Variants in ANKFN1 observed in about 807,000 individuals in gnomAD.
The protein encoded by ANKFN1 is ankyrin repeat and fibronectin type-III domain-containing protein 1.
ANKFN1 carries 74 observed loss-of-function variants against 108.7 expected under a neutral mutation model. The ratio of observed to expected loss-of-function variants is 0.68; its 90% confidence interval spans 0.56 to 0.83. The LOEUF is 0.83. ANKFN1 is among the 40% of genes least tolerant of loss of function. ANKFN1 has a pLI of 0.00. For missense variants in ANKFN1, 1,505 were observed against 1,382.3 expected (o/e 1.09, Z -1.41); for synonymous variants, 547 against 516.2 (o/e 1.06, Z -0.81).
chr17:56,219,890 T>A (rs1322169227), intron 2 of ANKFN1, among the ~76,000 whole-genome samples: 1 of 152,234 alleles, frequency 6.6e-6, no homozygotes, highest in East Asian at 1.9e-4. Context: ...AGGAGGCCCT[T>A]GGCTTTTTAA....
At chr17:56,475,630 A>G (rs995646191) in intron 15 of ANKFN1, among the ~76,000 whole-genome samples, 1 of 152,160 alleles carries the variant, frequency 6.6e-6, no homozygotes, top group Non-Finnish European at 1.5e-5. Flanking sequence ...TTTAATTGAC[A>G]AGTTATATTT....
intron 1 of ANKFN1, among the ~76,000 whole-genome samples, chr17:56,179,369 A>T (rs920423089): frequency 6.6e-6 from 1 of 152,190 alleles, no homozygotes; most frequent in Non-Finnish European, 1.5e-5. Context: ...CCTGCCAGTC[A>T]TCATTGCTCT....
chr17:56,480,904 T>G, intron 17 of ANKFN1, 86 bp downstream of exon 17: 1 of 1,328,944 alleles, frequency 7.5e-7, no homozygotes, highest in South Asian at 1.4e-5. Context: ...TGTGTGTGTG[T>G]GTGTGTGTGT....
At chr17:56,436,542 G>A (rs558323382) in intron 8 of ANKFN1, among the ~76,000 whole-genome samples, 22 of 152,146 alleles carry the variant, frequency 1.4e-4, no homozygotes, top group Admixed American at 1.1e-3. Context: ...TCCCAGTTGC[G>A]GCCGGGCACG....
At chr17:56,196,466 G>A (rs546660654) in intron 1 of ANKFN1, among the ~76,000 whole-genome samples, 46 of 152,234 alleles carry the variant, frequency 3.0e-4, no homozygotes, top group South Asian at 1.0e-3. Flanking sequence ...AGGCGTGGTG[G>A]CTCACATCTG....
intron 5 of ANKFN1, among the ~76,000 whole-genome samples, chr17:56,352,161 A>C (rs114200549): frequency 0.014 from 2,134 of 152,308 alleles, 52 homozygotes; most frequent in African/African-American, 0.048. Flanking sequence ...ATTGTGGATA[A>C]AACACTTTAC....
At chr17:56,267,065 C>T (rs1450898685) in intron 3 of ANKFN1, among the ~76,000 whole-genome samples, 1 of 152,142 alleles carries the variant, frequency 6.6e-6, no homozygotes, top group Non-Finnish European at 1.5e-5. Flanking sequence ...CCGTCCTCAG[C>T]CTCCTCCCAC....
At position 56,167,274 on chromosome 17, in the gene ANKFN1, C is replaced by CATAT. The variant is rs72093414; in HGVS notation, c.-71+13754_-71+13757dup. On this transcript the variant is annotated intron_variant, in intron 1 of 20. Coordinates refer to ENST00000682825, the MANE Select transcript of ANKFN1 (RefSeq NM_001370326.1). ...ATGTATGTGTGTGTATATATATATACATATATATATATACACACACATACA... is the reference window on the plus strand; with the variant it reads ...ATGTATGTGTGTGTATATATATATACATATATATATATATATACACACACATACA... Among the ~76,000 whole-genome samples the CATAT allele has an allele frequency of 2.1e-3, 277 of 133,840 alleles. 2 individuals are homozygous for CATAT. The highest frequency in any genetic ancestry group is 8.4e-3 in the Middle Eastern group (2 of 238). 87.8% of individuals were successfully genotyped at this position (133,840 alleles called of 152,430 possible).
chr17:56,376,679 G>C (rs547189798), intron 8 of ANKFN1, among the ~76,000 whole-genome samples: 11 of 152,220 alleles, frequency 7.2e-5, no homozygotes, highest in South Asian at 2.1e-4. Context: ...AATTCTATCC[G>C]CATTCACATA....
intron 1 of ANKFN1, among the ~76,000 whole-genome samples, chr17:56,171,124 G>A (rs1393984644): frequency 6.6e-6 from 1 of 151,958 alleles, no homozygotes; most frequent in East Asian, 1.9e-4. Flanking sequence ...CACTGGCGGG[G>A]AAATGCATAA....
chr17:56,280,622 A>G (rs2044054204), intron 3 of ANKFN1, among the ~76,000 whole-genome samples: 1 of 152,208 alleles, frequency 6.6e-6, no homozygotes, highest in Non-Finnish European at 1.5e-5. Flanking sequence ...AGCCAATCCC[A>G]TAATAAATCT....
At chr17:56,217,438 A>G (rs114594911) in intron 2 of ANKFN1, among the ~76,000 whole-genome samples, 503 of 152,362 alleles carry the variant, frequency 3.3e-3, no homozygotes, top group African/African-American at 0.011. Flanking sequence ...AACAGAATGC[A>G]TAGAGCAGTG....
chr17:56,196,374 A>C (rs1913506927), intron 1 of ANKFN1, among the ~76,000 whole-genome samples: 1 of 152,178 alleles, frequency 6.6e-6, no homozygotes, highest in South Asian at 2.1e-4. Context: ...CTACTAGGGA[A>C]TCAAGTATGA....
chr17:56,277,980 A>G (rs1449869907), intron 3 of ANKFN1, among the ~76,000 whole-genome samples: 1 of 152,218 alleles, frequency 6.6e-6, no homozygotes, highest in Non-Finnish European at 1.5e-5. Context: ...TGTGGGTCAG[A>G]ATGTCCGATA....
chr17:56,355,134 A>C (rs978298611), intron 6 of ANKFN1, among the ~76,000 whole-genome samples: 8 of 152,196 alleles, frequency 5.3e-5, no homozygotes, highest in Non-Finnish European at 8.8e-5. Flanking sequence ...TGATAAATGC[A>C]TGAGGTTATG....
chr17:56,169,739 G>T (rs1295493632), intron 1 of ANKFN1, among the ~76,000 whole-genome samples: 1 of 152,188 alleles, frequency 6.6e-6, no homozygotes, highest in Non-Finnish European at 1.5e-5. Flanking sequence ...CATCCTGAGG[G>T]CTTAGTGTAG....
chr17:56,159,033 C>CAAAAAAAAAAAA (rs57878541), intron 1 of ANKFN1, among the ~76,000 whole-genome samples: 7 of 71,000 alleles, frequency 9.9e-5, no homozygotes, highest in Admixed American at 2.0e-4. Context: ...TGGTCTAGGC[C>CAAAAAAAAAAAA]AAAAAAAAAA....
intron 1 of ANKFN1, chr17:56,174,400 AG>A: frequency 1.0e-6 from 1 of 985,608 alleles, no homozygotes; most frequent in Non-Finnish European, 1.2e-6. Context: ...GCAGAGGCTG[AG>A]GTTGGCTTCC....
At chr17:56,321,461 G>GAAA (rs34327424) in intron 3 of ANKFN1, among the ~76,000 whole-genome samples, 1 of 99,026 alleles carries the variant, frequency 1.0e-5, no homozygotes, top group Admixed American at 1.0e-4. Context: ...CACTCCCTAA[G>GAAA]AAAAAAAAAA....
Sources: gnomAD v4.1 joint callset for allele counts (sites outside exome capture counted in the v4.1 genomes callset) on GRCh38, gnomAD v4.1.1 for gene constraint, MANE v1.5 for transcripts, NCBI Gene and HGNC (gene_info 2026-07-23, HGNC 2026-07-21) for gene names.